The following CDK6 variants were observed in gnomAD, a reference collection of about 807,000 sequenced individuals.
The protein encoded by CDK6 is cyclin-dependent kinase 6.
In CDK6, 6 loss-of-function variants were observed where a neutral mutation model predicts 37.1. That is an observed-to-expected ratio of 0.16 (90% CI 0.09 to 0.32). The LOEUF (loss-of-function observed/expected upper bound fraction) is 0.32, where lower values mean the gene tolerates loss of function less well. CDK6 is among the 10% of genes least tolerant of loss of function. The pLI is 1.00. For synonymous variants in CDK6, 160 were observed against 161.3 expected, an observed-to-expected ratio of 0.99 and a Z score of 0.06; for missense variants, 224 against 418.9, an observed-to-expected ratio of 0.53 and a Z score of 4.06.
chr7:92,636,113 G>A (rs1163600808), intron 5 of CDK6, among the ~76,000 whole-genome samples: 1 of 152,148 alleles, frequency 6.6e-6, no homozygotes, highest in African/African-American at 2.4e-5. Context: ...CTGGGGTGCA[G>A]TGAAGTGATC....
chr7:92,836,239 C>G (rs1266645785), intron 1 of CDK6, among the ~76,000 whole-genome samples: 1 of 151,504 alleles, frequency 6.6e-6, no homozygotes, highest in Admixed American at 6.6e-5. Context: ...TGGGATCTCC[C>G]CCTCTCATCA....
intron 6 of CDK6, among the ~76,000 whole-genome samples, chr7:92,619,050 T>C (rs927803384): frequency 1.3e-5 from 2 of 152,164 alleles, no homozygotes; most frequent in East Asian, 3.8e-4. Flanking sequence ...GTAATGAGGA[T>C]CAGTTATACT....
chr7:92,827,730 A>G (rs1286909678), intron 2 of CDK6, among the ~76,000 whole-genome samples: 3 of 152,114 alleles, frequency 2.0e-5, no homozygotes, highest in Admixed American at 6.5e-5. Flanking sequence ...CATCATACAC[A>G]CTAACTTCTC....
At chr7:92,791,126 A>G (rs1272428905) in intron 2 of CDK6, among the ~76,000 whole-genome samples, 2 of 152,098 alleles carry the variant, frequency 1.3e-5, no homozygotes, top group Non-Finnish European at 2.9e-5. Flanking sequence ...AGATTCCAGA[A>G]ATATTTAGGA....
chr7:92,774,621 T>C, intron 3 of CDK6, 75 bp downstream of exon 3: 2 of 1,312,760 alleles, frequency 1.5e-6, no homozygotes. Flanking sequence ...GCAATTTTCA[T>C]AAGGAAAGAA....
At chr7:92,740,644 TATTTC>T (rs1240262433) in intron 3 of CDK6, among the ~76,000 whole-genome samples, 1 of 152,176 alleles carries the variant, frequency 6.6e-6, no homozygotes, top group Non-Finnish European at 1.5e-5. Flanking sequence ...CTGCATACAT[TATTTC>T]ATTTATTTTT....
intron 2 of CDK6, among the ~76,000 whole-genome samples, chr7:92,801,128 A>G (rs867110957): frequency 1.3e-5 from 2 of 151,980 alleles, no homozygotes; most frequent in Middle Eastern, 3.2e-3. Context: ...TATTATTAAA[A>G]TATTTTATTT....
chr7:92,645,350 G>A (rs1379765626), intron 5 of CDK6, among the ~76,000 whole-genome samples: 2 of 152,156 alleles, frequency 1.3e-5, no homozygotes, highest in Non-Finnish European at 2.9e-5. Context: ...AAAAGATGAG[G>A]CTTATCTTGT....
At position 92,612,411 on chromosome 7, in the gene CDK6, C is replaced by T. The variant is rs150253716; in HGVS notation, c.*2729G>A. 2.1e-5 allele frequency: 5 copies of T among 233,176 alleles called. No individual in the cohort carries two copies. Among genetic ancestry groups the T allele is most frequent in the Admixed American group, 1.1e-4 (2 of 17,800 alleles). The allele number at this position is 233,176 out of a possible 1,614,324, so 14.4% of individuals were successfully genotyped here. ...CACTAAGTTCTTACTCTACTATCTG[C>T]TTCAAAATGCCCTAACGGCAAGACT... On this transcript the variant is annotated 3_prime_UTR_variant, in exon 8 of 8. Transcript: ENST00000424848.
chr7:92,727,504 T>G (rs189440087), intron 3 of CDK6, among the ~76,000 whole-genome samples: 2 of 152,210 alleles, frequency 1.3e-5, no homozygotes, highest in Non-Finnish European at 1.5e-5. Flanking sequence ...GTATGCCAAG[T>G]GCTTGTACAG....
At chr7:92,619,476 A>T (rs1410078343) in intron 6 of CDK6, among the ~76,000 whole-genome samples, 7 of 151,978 alleles carry the variant, frequency 4.6e-5, no homozygotes, top group Non-Finnish European at 7.4e-5. Flanking sequence ...ACTGGAACAA[A>T]TAATTTTAAC....
At chr7:92,766,145 T>C (rs1466110090) in intron 3 of CDK6, among the ~76,000 whole-genome samples, 1 of 152,248 alleles carries the variant, frequency 6.6e-6, no homozygotes, top group East Asian at 1.9e-4. Context: ...AGTAGGGAAG[T>C]TAGATAATTT....
intron 5 of CDK6, among the ~76,000 whole-genome samples, chr7:92,630,946 T>C (rs2237572): frequency 0.29 from 44,142 of 152,048 alleles, 7,888 homozygotes; most frequent in East Asian, 0.8. Context: ...GATTATTAAC[T>C]GGGCTCAGGG....
chr7:92,665,232 G>C (rs1348296300), intron 5 of CDK6, among the ~76,000 whole-genome samples: 1 of 152,006 alleles, frequency 6.6e-6, no homozygotes, highest in Admixed American at 6.5e-5. Flanking sequence ...TTATTTTGCT[G>C]TATAGTTAAA....
chr7:92,700,908 C>T (rs995810486), intron 4 of CDK6, among the ~76,000 whole-genome samples: 4 of 152,332 alleles, frequency 2.6e-5, no homozygotes, highest in South Asian at 2.1e-4. Flanking sequence ...ATATCCACTG[C>T]GGTAACATGA....
intron 4 of CDK6, among the ~76,000 whole-genome samples, chr7:92,677,640 T>C (rs1051642519): frequency 6.6e-6 from 1 of 152,166 alleles, no homozygotes; most frequent in East Asian, 1.9e-4. Flanking sequence ...TATTTTGCAA[T>C]AGATATAAAA....
At chr7:92,798,953 C>A (rs556761073) in intron 2 of CDK6, among the ~76,000 whole-genome samples, 1 of 152,320 alleles carries the variant, frequency 6.6e-6, no homozygotes, top group South Asian at 2.1e-4. Context: ...TCCTCCTGAA[C>A]TGTGCCTCTC....
rs879752241 is a variant in CDK6 at position 92,607,852 on chromosome 7, T to A, written c.*7288A>T. On this transcript the variant is annotated 3_prime_UTR_variant, in exon 8 of 8. Transcript: ENST00000424848. ...AAAAAGTGAGGAACTATGATATACA[T>A]GTGTATATTTTTGCAAACACAGGAT... The A allele has an allele frequency of 8.6e-6, 2 of 233,392 alleles. No individual in the cohort carries two copies. Among genetic ancestry groups the A allele is most frequent in the Non-Finnish European group, 1.7e-5 (2 of 117,904 alleles). 14.5% of individuals were successfully genotyped at this position (233,392 alleles called of 1,614,324 possible). A position where few individuals can be genotyped will look rare whatever the true frequency, so the allele number is the denominator to read the frequency against.
In CDK6 at chr7:92,614,152, T is replaced by G. The variant is rs1795621272; in HGVS notation, c.*988A>C. The G allele has an allele frequency of 8.6e-6, 2 of 233,178 alleles. No homozygotes were observed. The highest frequency in any genetic ancestry group is 4.4e-5 in the African/African-American group (2 of 45,440). 14.4% of individuals were successfully genotyped at this position (233,178 alleles called of 1,614,324 possible). A position where few individuals can be genotyped will look rare whatever the true frequency, so the allele number is the denominator to read the frequency against. The stretch of plus-strand genomic sequence containing the variant: ...CTCCAAACCAAAACAGGAAAGAGTT[T>G]CTGACAAATTCCTAAAAACAAAAAC... On this transcript the variant is annotated 3_prime_UTR_variant, in exon 8 of 8. Transcript: ENST00000424848.
Sources: allele counts gnomAD v4.1 joint callset (sites outside exome capture counted in the v4.1 genomes callset), GRCh38; gene constraint gnomAD v4.1.1; transcripts MANE v1.5; gene names NCBI Gene and HGNC (gene_info 2026-07-23, HGNC 2026-07-21).